The following MLLT1 variants were observed in gnomAD, a reference collection of about 807,000 sequenced individuals.
MLLT1 encodes protein ENL.
In MLLT1, 11 loss-of-function variants were observed where a neutral mutation model predicts 55.1. The ratio of observed to expected loss-of-function variants is 0.20; its 90% confidence interval spans 0.13 to 0.33. MLLT1 has a LOEUF of 0.33. MLLT1 is among the 10% of genes least tolerant of loss of function. The pLI is 1.00. For synonymous variants in MLLT1, 323 were observed against 320.1 expected, an observed-to-expected ratio of 1.01 and a Z score of -0.10; for missense variants, 536 against 760.6, an observed-to-expected ratio of 0.70 and a Z score of 3.47.
At chr19:6,244,494 G>A (rs929048149) in intron 3 of MLLT1, among the ~76,000 whole-genome samples, 2 of 151,998 alleles carry the variant, frequency 1.3e-5, no homozygotes, top group African/African-American at 2.4e-5. Context: ...AGCGGACAGC[G>A]AAAACAGAGG....
intron 3 of MLLT1, among the ~76,000 whole-genome samples, chr19:6,239,549 G>T (rs183816173): frequency 6.6e-6 from 1 of 151,988 alleles, no homozygotes; most frequent in Non-Finnish European, 1.5e-5. Flanking sequence ...ATGCACACAC[G>T]CATGCGTACA....
In MLLT1 at chr19:6,273,180, C is replaced by G. The variant is rs541966233; in HGVS notation, c.13-2421G>C. On this transcript the variant is annotated intron_variant, in intron 1 of 11. Transcript: ENST00000252674. The surrounding 1 kb of genome is among the most constrained non-coding windows in gnomAD (Gnocchi z 4.3). ...GGTCTCGGAGTCAAAAGCCCCCGGC[C>G]CTCTGTGTAAGGCCTGGGGTGCAGG... 6.6e-6 allele frequency among the ~76,000 whole-genome samples: 1 copy of G among 152,104 alleles called. No homozygotes were observed. Among genetic ancestry groups the G allele is most frequent in the East Asian group, 1.9e-4 (1 of 5,166 alleles).
chr19:6,257,235 C>T (rs986188830), intron 3 of MLLT1, among the ~76,000 whole-genome samples: 34 of 152,030 alleles, frequency 2.2e-4, no homozygotes, highest in African/African-American at 7.3e-4. Flanking sequence ...GGGCTGGGTG[C>T]GGCAGCTCAC....
intron 3 of MLLT1, among the ~76,000 whole-genome samples, chr19:6,248,513 T>C (rs1370709864): frequency 6.6e-6 from 1 of 152,180 alleles, no homozygotes; most frequent in Non-Finnish European, 1.5e-5. Context: ...CACTTCCTAA[T>C]ATGATGGAAG....
chr19:6,262,132 C>T lies in MLLT1; in HGVS notation c.276+96G>A, dbSNP rs951813292. ...CACTGGAATGTCTGTGCATGGGCAGCGGCCAGTTCTCTGGCCTGTTTTGTG... is the reference window on the plus strand; with the variant it reads ...CACTGGAATGTCTGTGCATGGGCAGTGGCCAGTTCTCTGGCCTGTTTTGTG... On this transcript the variant is annotated intron_variant, in intron 3 of 11. Transcript: ENST00000252674. The surrounding 1 kb of genome is among the most constrained non-coding windows in gnomAD (Gnocchi z 4.4). 7.6e-6 allele frequency: 7 copies of T among 915,220 alleles called. No homozygotes were observed. The highest frequency in any genetic ancestry group is 2.7e-5 in the South Asian group (2 of 74,384). 56.7% of individuals were successfully genotyped at this position (915,220 alleles called of 1,614,324 possible).
chr19:6,216,301 A>C (rs1600169890), intron 8 of MLLT1, 104 bp downstream of exon 8: 1 of 823,718 alleles, frequency 1.2e-6, no homozygotes, highest in East Asian at 2.7e-5. Flanking sequence ...CTCCCAGGGG[A>C]CCCTCCAGTC....
intron 3 of MLLT1, among the ~76,000 whole-genome samples, chr19:6,261,081 C>T (rs1052756647): frequency 3.3e-5 from 5 of 152,298 alleles, no homozygotes; most frequent in Non-Finnish European, 7.3e-5. Context: ...ATACGCTCAC[C>T]GGATACAGCT....
chr19:6,259,005 C>A (rs577567751), intron 3 of MLLT1, among the ~76,000 whole-genome samples: 6 of 152,220 alleles, frequency 3.9e-5, no homozygotes, highest in African/African-American at 1.4e-4. Context: ...GAGAAGCAGA[C>A]GCAGCCAGAA....
chr19:6,258,436 T>G (rs117492402), intron 3 of MLLT1, among the ~76,000 whole-genome samples: 1,524 of 152,246 alleles, frequency 0.01, 40 homozygotes, highest in East Asian at 0.075. Flanking sequence ...ACACGCATGT[T>G]CCCAGCAGAT....
rs545805113 is a variant in MLLT1, at chr19:6,245,378, C to G, written c.277-14665G>C. Among the ~76,000 whole-genome samples, 925 of 151,450 alleles carry G rather than the reference C, an allele frequency of 6.1e-3. 12 individuals are homozygous for G. Among genetic ancestry groups the G allele is most frequent in the African/African-American group, 0.021 (888 of 41,374 alleles). ...AAGTGCTGGGATTACAGGTATAAGC[C>G]GCCGTGCCCAGCCCTTAAAAAAGTT... On this transcript the variant is annotated intron_variant, in intron 3 of 11. Coordinates refer to ENST00000252674, the MANE Select transcript of MLLT1 (RefSeq NM_005934.4).
At position 6,212,388 on chromosome 19, in the gene MLLT1, C is replaced by G; in HGVS notation, c.*654G>C. 1 of 1,066,198 alleles carries G rather than the reference C, an allele frequency of 9.4e-7. No homozygotes were observed. The highest frequency in any genetic ancestry group is 1.1e-6 in the Non-Finnish European group (1 of 879,798). 66.0% of individuals were successfully genotyped at this position (1,066,198 alleles called of 1,614,324 possible). The stretch of plus-strand genomic sequence containing the variant: ...CCACACCACCGCAGAGACATCTTAA[C>G]CTACAAGCCCCACCGTACGCACCCC... On this transcript the variant is annotated 3_prime_UTR_variant, in exon 12 of 12. Transcript: ENST00000252674.
chr19:6,271,482 G>A (rs888358393), intron 1 of MLLT1, among the ~76,000 whole-genome samples: 1 of 152,216 alleles, frequency 6.6e-6, no homozygotes, highest in African/African-American at 2.4e-5. Context: ...GGCCTGGGCA[G>A]CCCAGCTCCC....
intron 3 of MLLT1, among the ~76,000 whole-genome samples, chr19:6,261,017 C>T (rs1475383065): frequency 6.6e-6 from 1 of 152,166 alleles, no homozygotes; most frequent in African/African-American, 2.4e-5. Context: ...CAGATGGGCT[C>T]GAGCAATCCC....
In MLLT1 at chr19:6,210,655, G is replaced by A. The variant is rs2144832379; in HGVS notation, c.*2387C>T. 4.4e-6 allele frequency: 1 copy of A among 228,428 alleles called. No individual in the cohort carries two copies. 14.2% of individuals were successfully genotyped at this position (228,428 alleles called of 1,614,324 possible). A position where few individuals can be genotyped will look rare whatever the true frequency, so the allele number is the denominator to read the frequency against. On this transcript the variant is annotated 3_prime_UTR_variant, in exon 12 of 12. Transcript: ENST00000252674. The surrounding 1 kb of genome is among the most constrained non-coding windows in gnomAD (Gnocchi z 4.6). ...GGTTTACATTTTTGTTCAGGAGAGA[G>A]CAAAACACAGAGATTTGCACTGGGG...
chr19:6,266,087 T>G (rs752352806), intron 2 of MLLT1, among the ~76,000 whole-genome samples: 7 of 151,920 alleles, frequency 4.6e-5, no homozygotes, highest in African/African-American at 1.7e-4. Context: ...AAGACCAACT[T>G]GGGCAACATG....
intron 2 of MLLT1, among the ~76,000 whole-genome samples, chr19:6,268,986 C>T (rs1279826091): frequency 4.6e-5 from 7 of 152,138 alleles, no homozygotes; most frequent in African/African-American, 1.2e-4. Flanking sequence ...AATCAGCGTC[C>T]GGGGCCCATC....
In MLLT1 at chr19:6,260,113, C is replaced by T. The variant is rs3787055; in HGVS notation, c.276+2115G>A. On this transcript the variant is annotated intron_variant, in intron 3 of 11. Coordinates refer to ENST00000252674, the MANE Select transcript of MLLT1 (RefSeq NM_005934.4). ...CCATGCCCCCCATGCAACTACATGC[C>T]CCCACACCCTAAATGAAGCCCCCAG... 0.012 allele frequency among the ~76,000 whole-genome samples: 1,787 copies of T among 151,836 alleles called. 69 individuals are homozygous for T. The East Asian group carries it at 0.13, about 11-fold the overall frequency.
rs2091004603 is a variant in MLLT1 at position 6,231,076 on chromosome 19, G to T, written c.277-363C>A. Among the ~76,000 whole-genome samples, 1 of 152,160 alleles carries T rather than the reference G, an allele frequency of 6.6e-6. No homozygotes were observed. The highest frequency in any genetic ancestry group is 2.4e-5 in the African/African-American group (1 of 41,436). The stretch of plus-strand genomic sequence containing the variant: ...GTGGCAGCACTGAGACCTGCCCCAG[G>T]CCTCTGAGGCCCACAATCTCACCAC... On this transcript the variant is annotated intron_variant, in intron 3 of 11. Transcript: ENST00000252674. This position sits in a 1 kb window ranked among gnomAD's most constrained non-coding sequence, Gnocchi z 5.1.
rs1217831621 is a variant in MLLT1, at chr19:6,227,823, C to T, written c.421-721G>A. 2.0e-5 allele frequency among the ~76,000 whole-genome samples: 3 copies of T among 152,038 alleles called. No homozygotes were observed. Among genetic ancestry groups the T allele is most frequent in the Non-Finnish European group, 4.4e-5 (3 of 68,020 alleles). On this transcript the variant is annotated intron_variant, in intron 4 of 11. Coordinates refer to ENST00000252674, the MANE Select transcript of MLLT1 (RefSeq NM_005934.4). This position sits in a 1 kb window ranked among gnomAD's most constrained non-coding sequence, Gnocchi z 5.1. ...AACACCTGCTGTGCAGGGGGAAGCTCGGAGCAAGGTCTTGAGATATCAACA... is the reference window on the plus strand; with the variant it reads ...AACACCTGCTGTGCAGGGGGAAGCTTGGAGCAAGGTCTTGAGATATCAACA...
Sources: allele counts gnomAD v4.1 joint callset (sites outside exome capture counted in the v4.1 genomes callset), GRCh38; gene constraint gnomAD v4.1.1; non-coding constraint Gnocchi (gnomAD v3.1); transcripts MANE v1.5; gene names NCBI Gene and HGNC (gene_info 2026-07-23, HGNC 2026-07-21).